The following SGCZ variants were observed in gnomAD, a reference collection of about 807,000 sequenced individuals.
SGCZ encodes sarcoglycan zeta, also known as zeta-sarcoglycan.
A neutral mutation model predicts 41.3 loss-of-function variants in SGCZ; 40 were observed. That is an observed-to-expected ratio of 0.97 (90% CI 0.75 to 1.26). The LOEUF (loss-of-function observed/expected upper bound fraction) is 1.26, where lower values mean the gene tolerates loss of function less well. Among genes scored for constraint, SGCZ ranks in the 50% most tolerant of loss-of-function variants. The pLI is 0.00. For missense variants in SGCZ, 552 were observed against 369.8 expected, an observed-to-expected ratio of 1.49 and a Z score of -4.04; for synonymous variants, 206 against 137.5, an observed-to-expected ratio of 1.50 and a Z score of -3.49.
At chr8:14,194,594 A>T in intron 4 of SGCZ, among the ~76,000 whole-genome samples, 1 of 152,152 alleles carries the variant, frequency 6.6e-6, no homozygotes, top group Non-Finnish European at 1.5e-5. Context: ...TAATAAAAAT[A>T]ATAAATACAT....
intron 2 of SGCZ, among the ~76,000 whole-genome samples, chr8:14,400,316 A>C (rs180861314): frequency 7.2e-5 from 11 of 152,298 alleles, no homozygotes; most frequent in Middle Eastern, 6.8e-3. Context: ...TACACATACA[A>C]GCATGCATGA....
chr8:14,378,711 G>A (rs1168099622), intron 2 of SGCZ, among the ~76,000 whole-genome samples: 5 of 152,106 alleles, frequency 3.3e-5, no homozygotes, highest in African/African-American at 1.2e-4. Flanking sequence ...CAGTCTTGGG[G>A]ACTGACTGAG....
intron 1 of SGCZ, among the ~76,000 whole-genome samples, chr8:15,220,382 CAAT>C (rs1296109079): frequency 6.6e-6 from 1 of 152,122 alleles, no homozygotes; most frequent in African/African-American, 2.4e-5. Context: ...TTACCCACAA[CAAT>C]GGCTCACTGG....
chr8:14,235,087 C>G (rs893101058), intron 4 of SGCZ, among the ~76,000 whole-genome samples: 1 of 152,178 alleles, frequency 6.6e-6, no homozygotes, highest in Non-Finnish European at 1.5e-5. Context: ...CTTCTTATAA[C>G]AGCATTCAAA....
intron 3 of SGCZ, among the ~76,000 whole-genome samples, chr8:14,259,286 A>C (rs1799569111): frequency 6.6e-6 from 1 of 152,198 alleles, no homozygotes; most frequent in Non-Finnish European, 1.5e-5. Flanking sequence ...TAGAAAACAA[A>C]AACACTATGC....
chr8:14,221,701 C>T lies in SGCZ; in HGVS notation c.424+15891G>A, dbSNP rs907666885. 4.0e-5 allele frequency among the ~76,000 whole-genome samples: 6 copies of T among 151,866 alleles called. No individual in the cohort carries two copies. The South Asian group carries it at 8.3e-4, about 21-fold the overall frequency. On this transcript the variant is annotated intron_variant, in intron 4 of 7. Coordinates refer to ENST00000382080, the MANE Select transcript of SGCZ (RefSeq NM_139167.4). ...CTGGAATCCCAGCACTTTGGGAGAC[C>T]GAGGAAGGCAGATCACCTGAGGTCA... is the stretch of plus-strand genomic sequence containing the variant.
chr8:14,664,210 C>T (rs968809076), intron 1 of SGCZ, among the ~76,000 whole-genome samples: 3 of 152,118 alleles, frequency 2.0e-5, no homozygotes, highest in Non-Finnish European at 4.4e-5. Context: ...TAGAATTAAA[C>T]ATTTTTCCAT....
At chr8:15,116,650 A>G (rs1807280744) in intron 1 of SGCZ, among the ~76,000 whole-genome samples, 1 of 152,222 alleles carries the variant, frequency 6.6e-6, no homozygotes, top group African/African-American at 2.4e-5. Flanking sequence ...TGTATAATAA[A>G]GCACATAGGA....
intron 1 of SGCZ, among the ~76,000 whole-genome samples, chr8:14,875,468 G>T (rs1401877737): frequency 6.6e-6 from 1 of 152,078 alleles, no homozygotes; most frequent in Non-Finnish European, 1.5e-5. Context: ...CACAGCTTTG[G>T]ATAAGGAAGG....
At chr8:14,545,982 G>T (rs577235317) in intron 2 of SGCZ, among the ~76,000 whole-genome samples, 1 of 152,078 alleles carries the variant, frequency 6.6e-6, no homozygotes, top group East Asian at 1.9e-4. Flanking sequence ...AAAAATGACT[G>T]AATTTTTCTT....
chr8:14,285,409 A>C (rs749648510), intron 3 of SGCZ, among the ~76,000 whole-genome samples: 2 of 152,128 alleles, frequency 1.3e-5, no homozygotes, highest in African/African-American at 4.8e-5. Context: ...TGATACGCTC[A>C]GCATAACTCC....
intron 4 of SGCZ, among the ~76,000 whole-genome samples, chr8:14,185,973 G>A (rs1804890178): frequency 6.6e-6 from 1 of 152,138 alleles, no homozygotes; most frequent in Non-Finnish European, 1.5e-5. Context: ...CATATGATTA[G>A]TTTGGATATC....
intron 1 of SGCZ, among the ~76,000 whole-genome samples, chr8:14,804,491 G>T (rs1215582450): frequency 8.2e-6 from 1 of 122,124 alleles, no homozygotes; most frequent in Admixed American, 9.2e-5. Context: ...AGTGGAAGAT[G>T]AAATGAATGA....
chr8:14,781,515 C>T (rs1318766297), intron 1 of SGCZ, among the ~76,000 whole-genome samples: 1 of 152,166 alleles, frequency 6.6e-6, no homozygotes, highest in Admixed American at 6.5e-5. Context: ...CAGCCTGAGC[C>T]ACCACGCCCA....
intron 2 of SGCZ, among the ~76,000 whole-genome samples, chr8:14,447,815 G>T (rs1445087365): frequency 6.6e-6 from 1 of 152,118 alleles, no homozygotes; most frequent in African/African-American, 2.4e-5. Flanking sequence ...TGCATTGTTT[G>T]ATCTTCTTAA....
In SGCZ at chr8:14,922,574, C is replaced by T. The variant is rs148591082; in HGVS notation, c.39+315011G>A. Among the ~76,000 whole-genome samples, 871 of 152,194 alleles carry T rather than the reference C, an allele frequency of 5.7e-3. 7 individuals are homozygous for T. The highest frequency in any genetic ancestry group is 9.4e-3 in the Non-Finnish European group (642 of 68,010). ...GGTTCAAGCTATTCTCCTGCCTCAG[C>T]CTCCCAGGCTACCTAATCCTAAACT... is the stretch of plus-strand genomic sequence containing the variant. On this transcript the variant is annotated intron_variant, in intron 1 of 7. Transcript: ENST00000382080.
chr8:14,281,626 G>C (rs925547601), intron 3 of SGCZ, among the ~76,000 whole-genome samples: 1 of 151,912 alleles, frequency 6.6e-6, no homozygotes, highest in Non-Finnish European at 1.5e-5. Context: ...TATGTAAACG[G>C]AAATAACATG....
chr8:14,687,885 T>C (rs1011271760), intron 1 of SGCZ, among the ~76,000 whole-genome samples: 1 of 152,214 alleles, frequency 6.6e-6, no homozygotes, highest in Non-Finnish European at 1.5e-5. Context: ...ATGATTGTCA[T>C]TCTAACTGGT....
intron 1 of SGCZ, among the ~76,000 whole-genome samples, chr8:14,918,961 C>T (rs1436512400): frequency 1.3e-5 from 2 of 152,190 alleles, no homozygotes; most frequent in African/African-American, 4.8e-5. Context: ...TGAAGGAAGA[C>T]TGGGGGGTTT....
Sources: gnomAD v4.1 joint callset for allele counts (sites outside exome capture counted in the v4.1 genomes callset) on GRCh38, gnomAD v4.1.1 for gene constraint, MANE v1.5 for transcripts, NCBI Gene and HGNC (gene_info 2026-07-23, HGNC 2026-07-21) for gene names.